CAMTA1: variants seen among roughly 807,000 people sequenced by gnomAD.
CAMTA1 encodes the protein calmodulin-binding transcription activator 1.
CAMTA1 carries 27 observed loss-of-function variants against 170.9 expected under a neutral mutation model. The ratio of observed to expected loss-of-function variants is 0.16; its 90% CI spans 0.12 to 0.22. CAMTA1 has a LOEUF of 0.22. Among genes scored for constraint, CAMTA1 ranks in the 10% least tolerant of loss-of-function variants. The pLI, the probability that CAMTA1 is intolerant of heterozygous loss-of-function variation, is 1.00. For synonymous variants in CAMTA1, 833 were observed against 891.5 expected, an observed-to-expected ratio of 0.93 and a Z score of 1.17; for missense variants, 1,619 against 2,217.2, an observed-to-expected ratio of 0.73 and a Z score of 5.42.
chr1:7,687,764 G>GA (rs1335042836), intron 11 of CAMTA1, among the ~76,000 whole-genome samples: 1 of 152,204 alleles, frequency 6.6e-6, no homozygotes, highest in African/African-American at 2.4e-5. Flanking sequence ...CCCAGAGACA[G>GA]ATTCCTTCTT....
At position 7,769,468 on chromosome 1, in the gene CAMTA1, G is replaced by C. The variant is rs139267287; in HGVS notation, c.*2977G>C. 6.5e-6 allele frequency: 1 copy of C among 152,744 alleles called. No homozygotes were observed. Among genetic ancestry groups the C allele is most frequent in the South Asian group, 2.1e-4 (1 of 4,828 alleles). The allele number at this position is 152,744 out of a possible 1,614,324, so 9.5% of individuals were successfully genotyped here. The stretch of plus-strand genomic sequence containing the variant: ...ATGGCAGTTCCACACAGTAGTTGGC[G>C]CCCAATGGGGGGTCCCTGAGACTTG... On this transcript the variant is annotated 3_prime_UTR_variant, in exon 23 of 23. Coordinates refer to ENST00000303635, the MANE Select transcript of CAMTA1 (RefSeq NM_015215.4).
At chr1:7,442,923 A>G (rs138847714) in intron 5 of CAMTA1, among the ~76,000 whole-genome samples, 2 of 152,286 alleles carry the variant, frequency 1.3e-5, no homozygotes, top group East Asian at 3.9e-4. Flanking sequence ...CTCAAGGGCT[A>G]TGACACAGTG....
intron 3 of CAMTA1, among the ~76,000 whole-genome samples, chr1:7,085,445 G>T (rs1374575446): frequency 6.6e-6 from 1 of 152,250 alleles, no homozygotes; most frequent in Non-Finnish European, 1.5e-5. Flanking sequence ...TACAGTGACA[G>T]ACGGACTGAG....
chr1:7,057,940 G>T (rs74765008), intron 3 of CAMTA1, among the ~76,000 whole-genome samples: 8 of 152,092 alleles, frequency 5.3e-5, no homozygotes, highest in African/African-American at 1.7e-4. Context: ...ACCAAGCCAG[G>T]CCAGGCCAGG....
chr1:7,113,502 G>GAGGA lies in CAMTA1; in HGVS notation c.302+22136_302+22139dup, dbSNP rs1644185680. ...CGGTCAGTGTCTAGGAATGGAGAGG[G>GAGGA]AGGAAGGAGGGTCTCGGGCAAGACC... On this transcript the variant is annotated intron_variant, in intron 4 of 22. Coordinates refer to ENST00000303635, the MANE Select transcript of CAMTA1 (RefSeq NM_015215.4). This position sits in a 1 kb window ranked among gnomAD's most constrained non-coding sequence, Gnocchi z 4.5. Among the ~76,000 whole-genome samples, 1 of 152,212 alleles carries GAGGA rather than the reference G, an allele frequency of 6.6e-6. No homozygotes were observed. Among genetic ancestry groups the GAGGA allele is most frequent in the Non-Finnish European group, 1.5e-5 (1 of 68,038 alleles).
Position 6,939,206 on chromosome 1 carries a change from A to T in CAMTA1, c.234+113996A>T, listed in dbSNP as rs182590801. 1.7e-3 allele frequency among the ~76,000 whole-genome samples: 261 copies of T among 152,336 alleles called. 1 individual carries two copies. Among genetic ancestry groups the T allele is most frequent in the Admixed American group, 2.8e-3 (43 of 15,310 alleles). On this transcript the variant is annotated intron_variant, in intron 3 of 22. Coordinates refer to ENST00000303635, the MANE Select transcript of CAMTA1 (RefSeq NM_015215.4). Reference sequence around the variant, plus strand: ...AGGTCAAGGAGATGGACATGTCATCACTAGTTCAGCAGGGGAACTGCGGGC... The same window carrying T: ...AGGTCAAGGAGATGGACATGTCATCTCTAGTTCAGCAGGGGAACTGCGGGC...
chr1:7,179,664 G>A (rs1406784019), intron 4 of CAMTA1, among the ~76,000 whole-genome samples: 5 of 152,060 alleles, frequency 3.3e-5, no homozygotes, highest in African/African-American at 9.7e-5. Flanking sequence ...AATGGGGAAA[G>A]CAAATTAAAA....
intron 5 of CAMTA1, among the ~76,000 whole-genome samples, chr1:7,317,637 T>G (rs1362067486): frequency 2.6e-5 from 4 of 152,228 alleles, no homozygotes; most frequent in Non-Finnish European, 5.9e-5. Context: ...GCAGAGAAGA[T>G]GGCACAGGCC....
At chr1:6,921,537 G>T (rs995582420) in intron 3 of CAMTA1, among the ~76,000 whole-genome samples, 1 of 152,166 alleles carries the variant, frequency 6.6e-6, no homozygotes, top group African/African-American at 2.4e-5. Flanking sequence ...TTTCAGCAAT[G>T]CCCTACTCTA....
intron 5 of CAMTA1, among the ~76,000 whole-genome samples, chr1:7,397,847 G>T (rs1372006566): frequency 6.6e-6 from 1 of 151,828 alleles, no homozygotes; most frequent in Non-Finnish European, 1.5e-5. Context: ...AAAGATACAT[G>T]ATATTATTTT....
At chr1:6,837,083 A>G (rs1653540218) in intron 3 of CAMTA1, among the ~76,000 whole-genome samples, 2 of 151,868 alleles carry the variant, frequency 1.3e-5, no homozygotes, top group African/African-American at 4.8e-5. Context: ...CCTCCCAAGC[A>G]GCTGGGACTA....
rs1195223385 is a variant in CAMTA1, at chr1:7,173,327, A to G, written c.303-76164A>G. Among the ~76,000 whole-genome samples the G allele has an allele frequency of 6.6e-6, 1 of 152,170 alleles. No homozygotes were observed. Among genetic ancestry groups the G allele is most frequent in the Non-Finnish European group, 1.5e-5 (1 of 68,032 alleles). ...GAGCGGGGTGCAGGGCCTGGCCGTG[A>G]CTGAGGCTCCACGAACGCTGGCTCC... On this transcript the variant is annotated intron_variant, in intron 4 of 22. Coordinates refer to ENST00000303635, the MANE Select transcript of CAMTA1 (RefSeq NM_015215.4). This position sits in a 1 kb window ranked among gnomAD's most constrained non-coding sequence, Gnocchi z 5.4.
chr1:7,672,958 C>T (rs995694960), intron 10 of CAMTA1, among the ~76,000 whole-genome samples: 2 of 152,310 alleles, frequency 1.3e-5, no homozygotes, highest in Non-Finnish European at 2.9e-5. Context: ...CACAGCCAGC[C>T]GGGGTGGCAG....
chr1:7,133,890 G>T (rs767354307), intron 4 of CAMTA1, among the ~76,000 whole-genome samples: 2 of 152,204 alleles, frequency 1.3e-5, no homozygotes, highest in Admixed American at 6.5e-5. Context: ...TATGAAATAA[G>T]TTTTTTAAAA....
At chr1:7,660,638 G>C (rs1281695561) in intron 7 of CAMTA1, among the ~76,000 whole-genome samples, 1 of 152,220 alleles carries the variant, frequency 6.6e-6, no homozygotes, top group Non-Finnish European at 1.5e-5. Flanking sequence ...ACCTTCTAGA[G>C]CCCTTCACAG....
At chr1:7,522,893 C>G (rs1276385554) in intron 6 of CAMTA1, among the ~76,000 whole-genome samples, 1 of 152,170 alleles carries the variant, frequency 6.6e-6, no homozygotes, top group Non-Finnish European at 1.5e-5. Flanking sequence ...GAGACAGGAG[C>G]TTCGCTCTTG....
chr1:7,592,090 G>T lies in CAMTA1; in HGVS notation c.511-48310G>T, dbSNP rs1427195664. On this transcript the variant is annotated intron_variant, in intron 6 of 22. Coordinates refer to ENST00000303635, the MANE Select transcript of CAMTA1 (RefSeq NM_015215.4). The surrounding 1 kb of genome is among the most constrained non-coding windows in gnomAD (Gnocchi z 4.6). ...ATTTTTATATTTTTAGTAGAGATGG[G>T]GTTTCATCATGTTGGCCAGGCTGGT... 1.3e-5 allele frequency among the ~76,000 whole-genome samples: 2 copies of T among 151,980 alleles called. No homozygotes were observed. Among genetic ancestry groups the T allele is most frequent in the Non-Finnish European group, 2.9e-5 (2 of 68,006 alleles).
intron 6 of CAMTA1, among the ~76,000 whole-genome samples, chr1:7,563,223 A>G (rs755671666): frequency 1.3e-5 from 2 of 152,198 alleles, no homozygotes; most frequent in African/African-American, 2.4e-5. Context: ...GCAAGCGGCC[A>G]CAGAGACAGG....
At chr1:7,303,538 AC>A (rs1675116067) in intron 5 of CAMTA1, among the ~76,000 whole-genome samples, 1 of 152,076 alleles carries the variant, frequency 6.6e-6, no homozygotes, top group African/African-American at 2.4e-5. Context: ...TTATTTTCTT[AC>A]CCTTTTGTTG....
Sources: gnomAD v4.1 joint callset for allele counts (sites outside exome capture counted in the v4.1 genomes callset) on GRCh38, gnomAD v4.1.1 for gene constraint, Gnocchi (gnomAD v3.1) non-coding constraint, MANE v1.5 for transcripts, NCBI Gene and HGNC (gene_info 2026-07-23, HGNC 2026-07-21) for gene names.